The following CS variants were observed in gnomAD, a reference collection of about 807,000 sequenced individuals.
CS encodes the protein citrate synthase, mitochondrial.
CS carries 13 observed loss-of-function variants against 61.4 expected under a neutral mutation model. The ratio of observed to expected loss-of-function variants is 0.21; its 90% confidence interval spans 0.14 to 0.34. The LOEUF is 0.34. Ranked by LOEUF, CS falls within the 10% of genes least tolerant of loss-of-function variation. The pLI, the probability that CS is intolerant of heterozygous loss-of-function variation, is 1.00. For missense variants in CS, 278 were observed against 573.4 expected (o/e 0.48, Z 5.26); for synonymous variants, 159 against 215.2 (o/e 0.74, Z 2.29).
At chr12:56,299,943 C>T (rs1873428938) in intron 1 of CS, 2 of 499,166 alleles carry the variant, frequency 4.0e-6, no homozygotes, top group Admixed American at 4.0e-5. Flanking sequence ...GGACTGCGGG[C>T]CGAGGGCGGG....
chr12:56,290,827 A>G (rs1873098785), intron 1 of CS, among the ~76,000 whole-genome samples: 1 of 152,202 alleles, frequency 6.6e-6, no homozygotes, highest in African/African-American at 2.4e-5. Flanking sequence ...CACTTAAACT[A>G]CTTAACTCAG....
At position 56,274,101 on chromosome 12, in the gene CS, G is replaced by A. The variant is rs544748789; in HGVS notation, c.1021-305C>T. The A allele has an allele frequency of 4.4e-4, 170 of 387,488 alleles. 4 individuals are homozygous for A. Among genetic ancestry groups the A allele is most frequent in the South Asian group, 3.9e-3 (163 of 41,476 alleles). 24.0% of individuals were successfully genotyped at this position (387,488 alleles called of 1,614,324 possible). A position where few individuals can be genotyped will look rare whatever the true frequency, so the allele number is the denominator to read the frequency against. ...GGCTGAGGTGGGCAGATCACCTGAG[G>A]TTGGGAGTCCTAGACTAGCCTGACC... On this transcript the variant is annotated intron_variant, in intron 9 of 10. Transcript: ENST00000351328.
chr12:56,275,974 G>A, intron 7 of CS, 22 bp downstream of exon 7: 21 of 1,611,062 alleles, frequency 1.3e-5, no homozygotes, highest in East Asian at 2.2e-5. Context: ...CCTAGTGGCT[G>A]TGGTTGCTGG....
chr12:56,281,219 T>TTC (rs1483199842), intron 6 of CS, among the ~76,000 whole-genome samples: 1 of 152,242 alleles, frequency 6.6e-6, no homozygotes, highest in Non-Finnish European at 1.5e-5. Context: ...AAATGGTACA[T>TTC]TCTCCTGTAA....
intron 1 of CS, among the ~76,000 whole-genome samples, chr12:56,295,783 T>C (rs1189383324): frequency 6.6e-6 from 1 of 150,882 alleles, no homozygotes; most frequent in Admixed American, 6.6e-5. Context: ...TGAAACCCTG[T>C]CTCTACTAAA....
At chr12:56,286,682 C>G (rs1189357558) in intron 1 of CS, 37 bp from the exon 2 acceptor site, 1 of 1,575,906 alleles carries the variant, frequency 6.3e-7, no homozygotes, top group South Asian at 1.1e-5. Flanking sequence ...GTAACTGTTA[C>G]CCCTCCCTCT....
intron 2 of CS, chr12:56,286,322 T>C: frequency 3.8e-6 from 2 of 529,614 alleles, no homozygotes; most frequent in Non-Finnish European, 6.6e-6. Context: ...ATGATTAAAA[T>C]GGTAAATTTT....
intron 9 of CS, chr12:56,273,997 CTTTTTT>C (rs35366727): frequency 1.4e-4 from 54 of 374,830 alleles, no homozygotes; most frequent in Non-Finnish European, 2.3e-4. Context: ...ACACATCTGG[CTTTTTT>C]TTTTTTTTTT....
intron 6 of CS, among the ~76,000 whole-genome samples, chr12:56,281,390 A>G (rs1021828887): frequency 6.6e-6 from 1 of 152,186 alleles, no homozygotes; most frequent in Non-Finnish European, 1.5e-5. Flanking sequence ...TTTTCAGAGA[A>G]TAAAGCTCAT....
At chr12:56,296,577 C>G (rs947109592) in intron 1 of CS, among the ~76,000 whole-genome samples, 9 of 152,216 alleles carry the variant, frequency 5.9e-5, no homozygotes, top group Non-Finnish European at 1.3e-4. Flanking sequence ...ACATCCTACT[C>G]TGTTGCATAA....
chr12:56,288,344 GAATT>G (rs1255803857), intron 1 of CS, among the ~76,000 whole-genome samples: 1 of 144,240 alleles, frequency 6.9e-6, no homozygotes, highest in African/African-American at 2.5e-5. Flanking sequence ...AGGCTTTTTA[GAATT>G]TTTTTTTTTT....
intron 3 of CS, among the ~76,000 whole-genome samples, chr12:56,284,890 T>A: frequency 1.6e-5 from 1 of 62,220 alleles, no homozygotes; most frequent in African/African-American, 4.9e-5. Context: ...TCAGTGAGAC[T>A]CCGTCCCAAA....
At chr12:56,283,145 T>C (rs1159823192) in intron 4 of CS, among the ~76,000 whole-genome samples, 154 bp from the exon 5 acceptor site, 1 of 152,242 alleles carries the variant, frequency 6.6e-6, no homozygotes, top group Non-Finnish European at 1.5e-5. Flanking sequence ...TTGCTCAGAC[T>C]GGTCCCGATC....
intron 1 of CS, among the ~76,000 whole-genome samples, chr12:56,295,809 C>T (rs1279547890): frequency 6.6e-6 from 1 of 151,360 alleles, no homozygotes; most frequent in Admixed American, 6.6e-5. Flanking sequence ...AAAAAATTAG[C>T]GGGGCGAGGT....
Position 56,285,918 on chromosome 12 carries a change from T to C in CS, c.199A>G (p.Met67Val), listed in dbSNP as rs1872926989. 6.2e-7 allele frequency: 1 copy of C among 1,611,346 alleles called. No homozygotes were observed. The highest frequency in any genetic ancestry group is 1.3e-5 in the African/African-American group (1 of 74,860). ...AGCCAAAGCCACACAACCCTTACCA[T>C]GTCCACAGTGATTTGGCCCACCACC... ...KTVVGQITVD[M>V]MYGGMRGMKG... The change falls in exon 3 of 11, where the codon ATG becomes GTG. Residue 67 changes from methionine (M) to valine (V), a missense_variant and splice_region_variant. Physicochemically the swap from Met to Val is conservative, Grantham distance 21 (BLOSUM62 1). Around this residue, in one of 2 missense-constraint regions of CS, gnomAD observed 223 missense variants for 503.5 expected, o/e 0.44. Transcript: ENST00000351328.
chr12:56,288,353 T>A (rs1873008891), intron 1 of CS, among the ~76,000 whole-genome samples: 2 of 148,470 alleles, frequency 1.3e-5, no homozygotes, highest in Admixed American at 1.3e-4. Context: ...AGAATTTTTT[T>A]TTTTTTTTTT....
intron 5 of CS, 66 bp from the exon 6 acceptor site, chr12:56,282,674 C>T: frequency 2.6e-6 from 4 of 1,537,168 alleles, no homozygotes; most frequent in Non-Finnish European, 8.8e-7. Flanking sequence ...TAAAAAAGGA[C>T]AGCAACATCT....
At chr12:56,288,684 T>C (rs1873020615) in intron 1 of CS, among the ~76,000 whole-genome samples, 1 of 151,996 alleles carries the variant, frequency 6.6e-6, no homozygotes, top group Non-Finnish European at 1.5e-5. Context: ...AAGGTCACTC[T>C]TTCCCCCAGG....
intron 1 of CS, chr12:56,298,627 G>A: frequency 1.0e-6 from 1 of 985,376 alleles, no homozygotes; most frequent in African/African-American, 1.7e-5. Flanking sequence ...CCAGCAGCAG[G>A]AGAAGCAACA....
Sources: gnomAD v4.1 joint callset for allele counts (sites outside exome capture counted in the v4.1 genomes callset) on GRCh38, gnomAD v4.1.1 for gene constraint, gnomAD v4.1.1 regional missense constraint, MANE v1.5 for transcripts, NCBI Gene and HGNC (gene_info 2026-07-23, HGNC 2026-07-21) for gene names.